GLI3: variants seen among roughly 807,000 people sequenced by gnomAD.
GLI3 encodes GLI family zinc finger 3.
A neutral mutation model predicts 100.8 loss-of-function variants in GLI3; 20 were observed. That is an observed-to-expected ratio of 0.20 (90% CI 0.14 to 0.29). The LOEUF (loss-of-function observed/expected upper bound fraction) is 0.29. Ranked by LOEUF, GLI3 falls within the 10% of genes least tolerant of loss-of-function variation. The pLI is 1.00. For synonymous variants in GLI3, 938 were observed against 860.5 expected, an observed-to-expected ratio of 1.09 and a Z score of -1.58; for missense variants, 2,040 against 2,128.5, an observed-to-expected ratio of 0.96 and a Z score of 0.82.
intron 3 of GLI3, among the ~76,000 whole-genome samples, chr7:42,133,624 C>A (rs931020834): frequency 7.1e-6 from 1 of 139,930 alleles, no homozygotes; most frequent in Admixed American, 7.5e-5. Context: ...AATCTTAATA[C>A]TCTGGATAGA....
chr7:42,239,360 C>T (rs1229142741), upstream of GLI3, among the ~76,000 whole-genome samples: 1 of 152,110 alleles, frequency 6.6e-6, no homozygotes, highest in African/African-American at 2.4e-5. Flanking sequence ...CTGAGGGTTT[C>T]CAATGAGAAA....
chr7:42,025,281 C>T lies in GLI3; in HGVS notation c.1339G>A (p.Gly447Arg). 6.2e-7 allele frequency: 1 copy of T among 1,612,758 alleles called. No individual in the cohort carries two copies. Among genetic ancestry groups the T allele is most frequent in the Admixed American group, 1.7e-5 (1 of 60,024 alleles). ...TGTCCTACCTGCTGCCCCCGAGCCC[C>T]TGGGCTGGGGAGGTCTTCATCGGGT... Reference protein sequence around the residue: ...IKPDEDLPSPGARGQQEQPEG... With the variant: ...IKPDEDLPSPRARGQQEQPEG... Residue 447 changes from glycine to arginine, a missense_variant, in exon 9 of 15, where the codon GGG (glycine) becomes AGG (arginine). Physicochemically the swap from Gly to Arg is moderately radical, Grantham distance 125 (BLOSUM62 -2). Transcript: ENST00000395925.
intron 2 of GLI3, among the ~76,000 whole-genome samples, chr7:42,180,378 C>T (rs1787568570): frequency 6.6e-6 from 1 of 152,208 alleles, no homozygotes; most frequent in African/African-American, 2.4e-5. Context: ...GTGAAAACAG[C>T]GAGCTCCAAT....
Position 41,967,909 on chromosome 7 carries a change from G to A in GLI3, c.2118C>T (p.Ser706=). 6.2e-7 allele frequency: 1 copy of A among 1,614,090 alleles called. No homozygotes were observed. The highest frequency in any genetic ancestry group is 1.3e-5 in the African/African-American group (1 of 75,042). ...TGCTGCATGAAGACTGACCACCAGG[G>A]CTTGGCTGAGATGTCTGTTGGGGTC... ...KAEKPMTSQP[S]PGGQSSCSSQ... is the part of the protein sequence containing the mutation. Residue 706 remains serine, a synonymous_variant, in exon 14 of 15, where the codon AGC becomes AGT. Coordinates refer to ENST00000395925, the MANE Select transcript of GLI3 (RefSeq NM_000168.6).
At chr7:42,197,753 C>T (rs890039588) in intron 2 of GLI3, among the ~76,000 whole-genome samples, 2 of 152,196 alleles carry the variant, frequency 1.3e-5, no homozygotes, top group African/African-American at 2.4e-5. Flanking sequence ...AGAGTCAGCG[C>T]CTGCTCATGC....
chr7:41,969,127 G>C (rs551137391), intron 13 of GLI3, among the ~76,000 whole-genome samples: 4 of 152,274 alleles, frequency 2.6e-5, no homozygotes, highest in African/African-American at 9.6e-5. Flanking sequence ...GCGGTGTCCT[G>C]GTTGATAAAC....
At chr7:42,155,308 G>A (rs376253875) in intron 2 of GLI3, among the ~76,000 whole-genome samples, 33 of 151,984 alleles carry the variant, frequency 2.2e-4, no homozygotes, top group Non-Finnish European at 2.9e-4. Flanking sequence ...GTGTGGTGGC[G>A]CATGCCTGTA....
At chr7:42,005,764 G>C (rs1181883749) in intron 10 of GLI3, among the ~76,000 whole-genome samples, 2 of 152,160 alleles carry the variant, frequency 1.3e-5, no homozygotes, top group Non-Finnish European at 2.9e-5. Context: ...CTAACTTCCT[G>C]TTCAATTTCT....
rs755527500 is a variant in GLI3, at chr7:41,966,146, G to C, written c.2927C>G (p.Pro976Arg). Residue 976 changes from proline to arginine, a missense_variant, in exon 15 of 15, where the codon CCG (proline) becomes CGG (arginine). Pro to Arg is a moderately radical substitution (Grantham distance 103, BLOSUM62 -2). Around this residue, in one of 5 missense-constraint regions of GLI3, gnomAD observed 1,041 missense variants for 924.0 expected, o/e 1.13. Transcript: ENST00000395925. This position sits in a 1 kb window ranked among gnomAD's most constrained non-coding sequence, Gnocchi z 5.8. ...GGCTCCCCCGTCGCTGCACCTCCTC[G>C]GGGCATGAACTGGAGGCAGGGCCAC... Reference protein sequence around the residue: ...PGVALPPVHAPRRCSDGGAHG... With the variant: ...PGVALPPVHARRRCSDGGAHG... 1.0e-5 allele frequency: 16 copies of C among 1,595,418 alleles called. No individual in the cohort carries two copies. The highest frequency in any genetic ancestry group is 3.3e-5 in the South Asian group (3 of 89,600).
At chr7:42,182,166 G>A (rs1349172748) in intron 2 of GLI3, among the ~76,000 whole-genome samples, 4 of 152,114 alleles carry the variant, frequency 2.6e-5, no homozygotes, top group Non-Finnish European at 2.9e-5. Context: ...CAGGTGCTCC[G>A]TTTGGCAAGG....
intron 1 of GLI3, among the ~76,000 whole-genome samples, chr7:42,259,629 T>C (rs1294001637): frequency 6.6e-6 from 1 of 152,210 alleles, no homozygotes; most frequent in African/African-American, 2.4e-5. Context: ...TGTAGGGATT[T>C]CTGCATGATA....
chr7:42,029,601 C>G (rs1051915674), intron 7 of GLI3, among the ~76,000 whole-genome samples: 2 of 152,140 alleles, frequency 1.3e-5, no homozygotes, highest in Non-Finnish European at 2.9e-5. Context: ...GGAGGGGAGT[C>G]CTGCATCCTT....
intron 10 of GLI3, among the ~76,000 whole-genome samples, chr7:42,000,648 T>C (rs1308227048): frequency 2.0e-5 from 3 of 151,830 alleles, no homozygotes. Flanking sequence ...ATGATGCCTA[T>C]AAAAAAAGAA....
intron 3 of GLI3, among the ~76,000 whole-genome samples, chr7:42,139,620 G>C (rs181677466): frequency 1.8e-4 from 27 of 152,092 alleles, no homozygotes; most frequent in African/African-American, 6.0e-4. Context: ...CAGAGGTTGC[G>C]GTGAGCCGAG....
At chr7:42,168,367 T>C (rs1010101415) in intron 2 of GLI3, among the ~76,000 whole-genome samples, 4 of 152,230 alleles carry the variant, frequency 2.6e-5, no homozygotes, top group African/African-American at 9.6e-5. Context: ...AATATTGTTC[T>C]ACTCCCAACA....
Position 41,966,731 on chromosome 7 carries a change from G to C in GLI3, c.2432-90C>G. ...GCATGAGCAACCCTTTTCTGTAAAG[G>C]GCCAGCTAGGAACTATTTCTGGTGT... On this transcript the variant is annotated intron_variant, in intron 14 of 14. Coordinates refer to ENST00000395925, the MANE Select transcript of GLI3 (RefSeq NM_000168.6). The surrounding 1 kb of genome is among the most constrained non-coding windows in gnomAD (Gnocchi z 5.8). 1 of 1,316,804 alleles carries C rather than the reference G, an allele frequency of 7.6e-7. No homozygotes were observed. 81.6% of individuals were successfully genotyped at this position (1,316,804 alleles called of 1,614,324 possible). A position where few individuals can be genotyped will look rare whatever the true frequency, so the allele number is the denominator to read the frequency against.
chr7:42,234,107 TA>T (rs909175896), intron 1 of GLI3, among the ~76,000 whole-genome samples: 1 of 152,252 alleles, frequency 6.6e-6, no homozygotes, highest in African/African-American at 2.4e-5. Context: ...TACTATAGTC[TA>T]AAAGCATTAA....
At chr7:42,134,236 G>C (rs967100663) in intron 3 of GLI3, among the ~76,000 whole-genome samples, 1 of 152,186 alleles carries the variant, frequency 6.6e-6, no homozygotes, top group Non-Finnish European at 1.5e-5. Flanking sequence ...CCAGCAGTCT[G>C]ATGTCTGCGC....
intron 2 of GLI3, among the ~76,000 whole-genome samples, chr7:42,171,311 T>TTCCCTG (rs1190969009): frequency 3.3e-5 from 5 of 152,218 alleles, no homozygotes; most frequent in African/African-American, 4.8e-5. Context: ...TTCAGGATTT[T>TTCCCTG]TTAAAAAACT....
Sources: gnomAD v4.1 joint callset for allele counts (sites outside exome capture counted in the v4.1 genomes callset) on GRCh38, gnomAD v4.1.1 for gene constraint, gnomAD v4.1.1 regional missense constraint, Gnocchi (gnomAD v3.1) non-coding constraint, MANE v1.5 for transcripts, NCBI Gene and HGNC (gene_info 2026-07-23, HGNC 2026-07-21) for gene names.